EGFLAM: variants seen among roughly 807,000 people sequenced by gnomAD.
The protein encoded by EGFLAM is EGF like, fibronectin type III and laminin G domains, also known as pikachurin.
In EGFLAM, 79 loss-of-function variants were observed where a neutral mutation model predicts 113.1. The ratio of observed to expected loss-of-function variants is 0.70; its 90% confidence interval spans 0.58 to 0.84. The LOEUF (loss-of-function observed/expected upper bound fraction) is 0.84. Among genes scored for constraint, EGFLAM ranks in the 40% least tolerant of loss-of-function variants. EGFLAM has a pLI of 0.00. For synonymous variants in EGFLAM, 504 were observed against 487.6 expected (o/e 1.03, Z -0.44); for missense variants, 1,265 against 1,291.6 (o/e 0.98, Z 0.32).
At chr5:38,426,710 C>G (rs1332456153) in intron 13 of EGFLAM, among the ~76,000 whole-genome samples, 5 of 152,208 alleles carry the variant, frequency 3.3e-5, no homozygotes, top group African/African-American at 1.2e-4. Flanking sequence ...TTCCTTCCAT[C>G]TAATGGCTCT....
intron 1 of EGFLAM, among the ~76,000 whole-genome samples, chr5:38,285,235 A>G: frequency 6.6e-6 from 1 of 152,218 alleles, no homozygotes; most frequent in Admixed American, 6.5e-5. Context: ...CAAAGTGCAG[A>G]ATGCTTCTAG....
intron 6 of EGFLAM, among the ~76,000 whole-genome samples, chr5:38,375,060 G>GTTT (rs74821426): frequency 0.04 from 4,256 of 107,502 alleles, 231 homozygotes; most frequent in African/African-American, 0.13. Flanking sequence ...CTCTGTTGTT[G>GTTT]TTTTTTTTTT....
In EGFLAM at chr5:38,274,084, A is replaced by T. The variant is rs143227495; in HGVS notation, c.97+15233A>T. ...CAATGAACAAAATGAAAAATATATC[A>T]ACAGCAAAGTTTATTAAACAGAAGA... is the stretch of plus-strand genomic sequence containing the variant. On this transcript the variant is annotated intron_variant, in intron 1 of 21. Coordinates refer to ENST00000322350, the MANE Select transcript of EGFLAM (RefSeq NM_152403.4). Among the ~76,000 whole-genome samples, 537 of 152,354 alleles carry T rather than the reference A, an allele frequency of 3.5e-3. 5 individuals carry two copies. Among genetic ancestry groups the T allele is most frequent in the African/African-American group, 0.012 (508 of 41,582 alleles).
At chr5:38,282,210 G>A (rs1039742594) in intron 1 of EGFLAM, 4 of 152,168 alleles carry the variant, frequency 2.6e-5, no homozygotes, top group African/African-American at 9.7e-5. Context: ...AATTAATTAG[G>A]TCACCTCCAT....
intron 6 of EGFLAM, among the ~76,000 whole-genome samples, chr5:38,370,876 A>G (rs1201647639): frequency 6.6e-6 from 1 of 152,164 alleles, no homozygotes; most frequent in Non-Finnish European, 1.5e-5. Context: ...GGATATTCAA[A>G]CAACATCAAC....
At chr5:38,295,118 C>A (rs925076250) in intron 1 of EGFLAM, among the ~76,000 whole-genome samples, 3 of 152,170 alleles carry the variant, frequency 2.0e-5, no homozygotes, top group Admixed American at 6.5e-5. Flanking sequence ...TGAGTCACTG[C>A]GCCTGGCCGC....
At chr5:38,291,785 G>A (rs894721422) in intron 1 of EGFLAM, among the ~76,000 whole-genome samples, 1 of 152,176 alleles carries the variant, frequency 6.6e-6, no homozygotes, top group Non-Finnish European at 1.5e-5. Flanking sequence ...AACTCTTCAG[G>A]GCTGTCACCT....
At chr5:38,262,607 T>TGGA (rs1378404738) in intron 1 of EGFLAM, among the ~76,000 whole-genome samples, 4 of 152,218 alleles carry the variant, frequency 2.6e-5, no homozygotes, top group African/African-American at 9.7e-5. Flanking sequence ...CCACCCTCTG[T>TGGA]CGCATAATGC....
intron 16 of EGFLAM, among the ~76,000 whole-genome samples, chr5:38,437,588 C>G (rs528819319): frequency 1.8e-4 from 27 of 152,142 alleles, no homozygotes; most frequent in Non-Finnish European, 3.4e-4. Context: ...CTTGGTCTCA[C>G]CTTCAGAGAT....
intron 19 of EGFLAM, among the ~76,000 whole-genome samples, chr5:38,456,639 C>A (rs757047970): frequency 6.6e-6 from 1 of 152,132 alleles, no homozygotes; most frequent in African/African-American, 2.4e-5. Flanking sequence ...GTGAGTTCTT[C>A]GAGCCTCCAT....
intron 1 of EGFLAM, among the ~76,000 whole-genome samples, chr5:38,276,919 CAA>C (rs1351493636): frequency 6.6e-6 from 1 of 152,074 alleles, no homozygotes; most frequent in Non-Finnish European, 1.5e-5. Flanking sequence ...AGTCAGTAAT[CAA>C]AAGTCTCCCA....
In EGFLAM at chr5:38,412,495, C is replaced by A. The variant is rs777640541; in HGVS notation, c.1350-9C>A. ...CAAGAAATCTTCTTTTCCTTTTCCT[C>A]CCCAACAGGTTTAATTGTGGAACTG... On this transcript the variant is annotated splice_polypyrimidine_tract_variant and intron_variant, in intron 10 of 21. Coordinates refer to ENST00000322350, the MANE Select transcript of EGFLAM (RefSeq NM_152403.4). 4 of 1,614,130 alleles carry A rather than the reference C, an allele frequency of 2.5e-6. No homozygotes were observed. In the East Asian group the frequency reaches 8.9e-5, roughly 36 times the overall value.
Position 38,438,301 on chromosome 5 carries a change from T to A in EGFLAM, c.2310T>A (p.His770Gln), listed in dbSNP as rs1267324674. 6 of 1,613,692 alleles carry A rather than the reference T, an allele frequency of 3.7e-6. No homozygotes were observed. The highest frequency in any genetic ancestry group is 5.1e-6 in the Non-Finnish European group (6 of 1,179,830). The change falls in exon 17 of 22, where the codon CAT (histidine) becomes CAA (glutamine). Residue 770 changes from histidine (H) to glutamine (Q), a missense_variant. Physicochemically the swap from His to Gln is conservative, Grantham distance 24. Transcript: ENST00000322350. ...TCATCCTGAATGACCGAACCATCCA[T>A]GTGAAGCATGACTTCACCTCCGGAG... ...QKIILNDRTIHVKHDFTSGVN... is the reference protein window; with the variant it reads ...QKIILNDRTIQVKHDFTSGVN...
At chr5:38,279,609 G>A (rs989584624) in intron 1 of EGFLAM, among the ~76,000 whole-genome samples, 9 of 152,168 alleles carry the variant, frequency 5.9e-5, no homozygotes, top group African/African-American at 2.2e-4. Context: ...AGTGAAATAA[G>A]CCTGGCACAG....
intron 20 of EGFLAM, among the ~76,000 whole-genome samples, chr5:38,461,501 TTTAGAGTAA>T (rs1053192038): frequency 4.6e-5 from 7 of 152,142 alleles, no homozygotes; most frequent in Non-Finnish European, 1.0e-4. Context: ...AATGGAATAT[TTTAGAGTAA>T]TTAATTTTTT....
In EGFLAM at chr5:38,418,068, C is replaced by T. The variant is rs779121250; in HGVS notation, c.1497C>T (p.Gly499=). 7 of 1,612,832 alleles carry T rather than the reference C, an allele frequency of 4.3e-6. No homozygotes were observed. In the South Asian group the frequency reaches 7.7e-5, roughly 18 times the overall value. The change falls in exon 12 of 22, where the codon GGC becomes GGT. Residue 499 remains glycine (G), a splice_region_variant and synonymous_variant. Transcript: ENST00000322350. ...NGTPVTGQSQ[G]QYSKITFRTP... The stretch of plus-strand genomic sequence containing the variant: ...ATGAGTGGTCATCTTTCTTAAAGGG[C>T]CAATACAGTAAAATTACTTTCCGGA...
At chr5:38,415,871 G>A (rs959955137) in intron 11 of EGFLAM, among the ~76,000 whole-genome samples, 3 of 151,970 alleles carry the variant, frequency 2.0e-5, no homozygotes, top group Admixed American at 1.3e-4. Context: ...CTGGGCAAAC[G>A]GGGAAAAGCC....
chr5:38,396,519 C>G (rs1042391290), intron 6 of EGFLAM, among the ~76,000 whole-genome samples: 5 of 152,238 alleles, frequency 3.3e-5, no homozygotes, highest in Non-Finnish European at 5.9e-5. Context: ...AAAACATTCA[C>G]TCACTCATTT....
At chr5:38,309,873 A>G (rs1738379242) in intron 1 of EGFLAM, among the ~76,000 whole-genome samples, 4 of 152,206 alleles carry the variant, frequency 2.6e-5, no homozygotes, top group African/African-American at 9.7e-5. Flanking sequence ...ACTTGCCTAC[A>G]CCTTAATAAA....
Sources: allele counts gnomAD v4.1 joint callset (sites outside exome capture counted in the v4.1 genomes callset), GRCh38; gene constraint gnomAD v4.1.1; transcripts MANE v1.5; gene names NCBI Gene and HGNC (gene_info 2026-07-23, HGNC 2026-07-21).